Variants in SEPTIN9 observed in about 807,000 individuals in gnomAD.
The protein encoded by SEPTIN9 is septin-9.
A neutral mutation model predicts 56.6 loss-of-function variants in SEPTIN9; 13 were observed. The observed-to-expected ratio is 0.23, with a 90% CI of 0.15 to 0.37. The LOEUF is 0.37. Among genes scored for constraint, SEPTIN9 ranks in the 10% least tolerant of loss-of-function variants. SEPTIN9 has a pLI of 1.00. For missense variants in SEPTIN9, 650 were observed against 823.1 expected, an observed-to-expected ratio of 0.79 and a Z score of 2.57; for synonymous variants, 332 against 334.1, an observed-to-expected ratio of 0.99 and a Z score of 0.07.
At chr17:77,482,701 G>T in intron 4 of SEPTIN9, 1 of 592,434 alleles carries the variant, frequency 1.7e-6, no homozygotes. Flanking sequence ...GGCCCTCCAG[G>T]CTCCCCACCG....
chr17:77,307,957 C>T (rs1253430680), intron 2 of SEPTIN9, among the ~76,000 whole-genome samples: 3 of 152,196 alleles, frequency 2.0e-5, no homozygotes, highest in African/African-American at 7.2e-5. Flanking sequence ...CCCTGCCTGA[C>T]CCCAGTGTGG....
chr17:77,408,694 A>G (rs1356654197), intron 3 of SEPTIN9, among the ~76,000 whole-genome samples: 1 of 152,014 alleles, frequency 6.6e-6, no homozygotes, highest in African/African-American at 2.4e-5. Flanking sequence ...GGCGGGCATC[A>G]GCCTGCAAGG....
At chr17:77,287,278 T>C (rs556256723) in intron 1 of SEPTIN9, among the ~76,000 whole-genome samples, 2 of 152,162 alleles carry the variant, frequency 1.3e-5, no homozygotes, top group African/African-American at 2.4e-5. Flanking sequence ...GTGGGAGCAG[T>C]GAAGTGCCCC....
chr17:77,319,938 G>C lies in SEPTIN9; in HGVS notation c.76+12741G>C. The C allele has an allele frequency of 1.7e-6, 2 of 1,149,822 alleles. No individual in the cohort carries two copies. The highest frequency in any genetic ancestry group is 2.1e-6 in the Non-Finnish European group (2 of 931,446). The allele number at this position is 1,149,822 out of a possible 1,614,324, so 71.2% of individuals were successfully genotyped here. ...GGAAGCCGCACTCGGGACCTCTGCAGCCACCGACCAGACCGGGCGGCCGGG... is the reference window on the plus strand; with the variant it reads ...GGAAGCCGCACTCGGGACCTCTGCACCCACCGACCAGACCGGGCGGCCGGG... On this transcript the variant is annotated intron_variant, in intron 2 of 11. Coordinates refer to ENST00000427177, the MANE Select transcript of SEPTIN9 (RefSeq NM_001113491.2). The surrounding 1 kb of genome is among the most constrained non-coding windows in gnomAD (Gnocchi z 5.3).
rs2040424548 is a variant in SEPTIN9, at chr17:77,499,596, G to A, written c.*938G>A. 2.3e-6 allele frequency: 1 copy of A among 440,368 alleles called. No individual in the cohort carries two copies. The highest frequency in any genetic ancestry group is 4.3e-6 in the Non-Finnish European group (1 of 230,982). 27.3% of individuals were successfully genotyped at this position (440,368 alleles called of 1,614,324 possible). On this transcript the variant is annotated 3_prime_UTR_variant, in exon 12 of 12. Coordinates refer to ENST00000427177, the MANE Select transcript of SEPTIN9 (RefSeq NM_001113491.2). Reference sequence around the variant, plus strand: ...TGTGGGCCGTGGCTTGGGCTGGTCAGAGTGGCGTGAGCTGCCCGGCGCCTG... The same window carrying A: ...TGTGGGCCGTGGCTTGGGCTGGTCAAAGTGGCGTGAGCTGCCCGGCGCCTG...
In SEPTIN9 at chr17:77,367,044, CTTT is replaced by C. The variant is rs1351706305; in HGVS notation, c.77-35014_77-35012del. On this transcript the variant is annotated intron_variant, in intron 2 of 11. Coordinates refer to ENST00000427177, the MANE Select transcript of SEPTIN9 (RefSeq NM_001113491.2). This position sits in a 1 kb window ranked among gnomAD's most constrained non-coding sequence, Gnocchi z 4.5. ...TGGGGAACAGATTGGTCATGTGCTTCTTTGAGTGAAACCTTATGGTTGCATTGA... is the reference window on the plus strand; with the variant it reads ...TGGGGAACAGATTGGTCATGTGCTTCGAGTGAAACCTTATGGTTGCATTGA... Among the ~76,000 whole-genome samples, 1 of 152,218 alleles carries C rather than the reference CTTT, an allele frequency of 6.6e-6. No individual in the cohort carries two copies. Among genetic ancestry groups the C allele is most frequent in the Non-Finnish European group, 1.5e-5 (1 of 68,044 alleles).
At chr17:77,306,583 G>T (rs1374038040) in intron 1 of SEPTIN9, among the ~76,000 whole-genome samples, 3 of 152,264 alleles carry the variant, frequency 2.0e-5, no homozygotes, top group Non-Finnish European at 4.4e-5. Context: ...TGGGGCAAAA[G>T]GTAAAAATAG....
chr17:77,467,595 C>A (rs371902340), intron 3 of SEPTIN9, among the ~76,000 whole-genome samples: 2 of 152,244 alleles, frequency 1.3e-5, no homozygotes, highest in Non-Finnish European at 2.9e-5. Flanking sequence ...CCTCCCACCC[C>A]GGCTGTCCCA....
intron 2 of SEPTIN9, among the ~76,000 whole-genome samples, chr17:77,366,169 T>C (rs1346572354): frequency 6.6e-6 from 1 of 152,190 alleles, no homozygotes; most frequent in Non-Finnish European, 1.5e-5. Context: ...CACTCCTTCT[T>C]GTCCCCTAGT....
intron 1 of SEPTIN9, among the ~76,000 whole-genome samples, chr17:77,302,630 T>G (rs572162560): frequency 6.1e-4 from 93 of 152,146 alleles, no homozygotes; most frequent in African/African-American, 2.1e-3. Flanking sequence ...GTGAGCCAAG[T>G]TGGTGCCACT....
chr17:77,418,201 T>G (rs2036570361), intron 3 of SEPTIN9, among the ~76,000 whole-genome samples: 1 of 152,064 alleles, frequency 6.6e-6, no homozygotes, highest in South Asian at 2.1e-4. Context: ...TAGCCCTGCC[T>G]CATCTCGGAG....
At chr17:77,320,383 C>A (rs1296971151) in intron 2 of SEPTIN9, 2 of 1,584,204 alleles carry the variant, frequency 1.3e-6, no homozygotes, top group Non-Finnish European at 1.7e-6. Context: ...CGGCCGCCCC[C>A]CACTGCCCTG....
At chr17:77,351,980 C>G (rs1466350583) in intron 2 of SEPTIN9, among the ~76,000 whole-genome samples, 4 of 152,170 alleles carry the variant, frequency 2.6e-5, no homozygotes, top group Admixed American at 6.5e-5. Context: ...TCTGGGTGAC[C>G]CTGCAGATGA....
chr17:77,321,292 ATG>A (rs2032911030), intron 2 of SEPTIN9, among the ~76,000 whole-genome samples: 1 of 149,660 alleles, frequency 6.7e-6, no homozygotes, highest in South Asian at 2.1e-4. Context: ...GGTTGCCACT[ATG>A]TGTGTGTTGG....
At chr17:77,463,879 A>G (rs776329387) in intron 3 of SEPTIN9, among the ~76,000 whole-genome samples, 21 of 152,074 alleles carry the variant, frequency 1.4e-4, no homozygotes, top group Non-Finnish European at 2.9e-4. Flanking sequence ...AAAAAAAAAT[A>G]GTAATTCTCG....
intron 3 of SEPTIN9, among the ~76,000 whole-genome samples, chr17:77,422,340 C>G (rs1459918440): frequency 6.6e-6 from 1 of 152,202 alleles, no homozygotes; most frequent in Non-Finnish European, 1.5e-5. Flanking sequence ...CTCACCCAGC[C>G]TCGGGGCCAG....
chr17:77,423,978 G>T (rs1211718671), intron 3 of SEPTIN9, among the ~76,000 whole-genome samples: 1 of 152,216 alleles, frequency 6.6e-6, no homozygotes, highest in East Asian at 1.9e-4. Flanking sequence ...ATGTCGCTGG[G>T]AGCCTGTCCT....
At chr17:77,373,851 G>C in intron 2 of SEPTIN9, 1 of 393,800 alleles carries the variant, frequency 2.5e-6, no homozygotes. Flanking sequence ...GTTTGTGTTT[G>C]CCAAGCGACA....
rs2040386899 is a variant in SEPTIN9 at position 77,498,722 on chromosome 17, C to T, written c.*64C>T. ...CATTTCCGTCCCCCCCCAGGCCCTC[C>T]CACCACCCCATTTTATTTTATATGA... On this transcript the variant is annotated 3_prime_UTR_variant, in exon 12 of 12. Coordinates refer to ENST00000427177, the MANE Select transcript of SEPTIN9 (RefSeq NM_001113491.2). The T allele has an allele frequency of 6.6e-6, 6 of 914,986 alleles. No homozygotes were observed. The highest frequency in any genetic ancestry group is 5.8e-5 in the East Asian group (2 of 34,702). 56.7% of individuals were successfully genotyped at this position (914,986 alleles called of 1,614,324 possible).
Sources: allele counts gnomAD v4.1 joint callset (sites outside exome capture counted in the v4.1 genomes callset), GRCh38; gene constraint gnomAD v4.1.1; non-coding constraint Gnocchi (gnomAD v3.1); transcripts MANE v1.5; gene names NCBI Gene and HGNC (gene_info 2026-07-23, HGNC 2026-07-21).